The following ZFP62 variants were observed in gnomAD, a reference collection of about 807,000 sequenced individuals.
ZFP62 encodes ZFP62 zinc finger protein, also known as zinc finger protein 62 homolog.
A neutral mutation model predicts 56.4 loss-of-function variants in ZFP62; 44 were observed. That is an observed-to-expected ratio of 0.78 (90% confidence interval 0.61 to 1.00). The LOEUF (loss-of-function observed/expected upper bound fraction) is 1.00, where lower values mean the gene tolerates loss of function less well. ZFP62 is among the 50% of genes least tolerant of loss of function. The pLI, the probability that ZFP62 is intolerant of heterozygous loss-of-function variation, is 0.00. For synonymous variants in ZFP62, 421 were observed against 388.9 expected (o/e 1.08, Z -0.97); for missense variants, 1,030 against 1,085.7 (o/e 0.95, Z 0.72).
At position 180,849,705 on chromosome 5, in the gene ZFP62, G is replaced by T; in HGVS notation, c.1790C>A (p.Ala597Asp). The T allele has an allele frequency of 6.4e-7, 1 of 1,551,774 alleles. No individual in the cohort carries two copies. The highest frequency in any genetic ancestry group is 8.7e-7 in the Non-Finnish European group (1 of 1,147,074). ...TGTAAGGGTTCGGTATGTGATGAAG[G>T]CCTTCTCACACTCGTCACACTTAAA... ...KPFKCDECEK[A>D]FITYRTLTNH... is the part of the protein sequence containing the mutation. The change falls in exon 2 of 2, where the codon GCC becomes GAC. Residue 597 changes from alanine (A) to aspartate (D), a missense_variant. Physicochemically the swap from Ala to Asp is moderately radical, Grantham distance 126. Transcript: ENST00000502412.
the ZFP62 span, among the ~76,000 whole-genome samples, chr5:180,838,463 C>G: frequency 9.3e-4 from 141 of 152,276 alleles, 2 homozygotes; most frequent in Non-Finnish European, 1.6e-3. Flanking sequence ...AATCTTTGCT[C>G]TAAAGGACAT....
At chr5:180,852,872 A>G (rs945919360) in intron 1 of ZFP62, among the ~76,000 whole-genome samples, 3 of 152,250 alleles carry the variant, frequency 2.0e-5, no homozygotes, top group Admixed American at 6.5e-5. Context: ...AGAAAGATAA[A>G]TAAGAACTAC....
At chr5:180,845,430 T>C (rs1295564244), downstream of ZFP62, among the ~76,000 whole-genome samples, 7 of 150,250 alleles carry the variant, frequency 4.7e-5, no homozygotes, top group South Asian at 4.2e-4. Flanking sequence ...AAGTCCTTAT[T>C]TGAACTCAGG....
chr5:180,850,089 C>T lies in ZFP62; in HGVS notation c.1406G>A (p.Arg469Lys). Residue 469 changes from arginine to lysine, a missense_variant, in exon 2 of 2, where the codon AGG (arginine) becomes AAG (lysine). Arg to Lys is a conservative substitution (Grantham distance 26). Transcript: ENST00000502412. The stretch of plus-strand genomic sequence containing the variant: ...ATATGGTTTTTCCCCAGTATGGAGC[C>T]TCCTGTGGACTTTGAGGCCTGCATT... ...RNNAGLKVHR[R>K]LHTGEKPYKC... The T allele has an allele frequency of 6.4e-7, 1 of 1,551,850 alleles. No homozygotes were observed. The highest frequency in any genetic ancestry group is 8.7e-7 in the Non-Finnish European group (1 of 1,147,066).
At chr5:180,828,453 C>G in the ZFP62 span, among the ~76,000 whole-genome samples, 2 of 152,094 alleles carry the variant, frequency 1.3e-5, no homozygotes, top group Non-Finnish European at 2.9e-5. Flanking sequence ...TCAGGGACCC[C>G]GAATGGAAGG....
chr5:180,839,144 C>T, the ZFP62 span, among the ~76,000 whole-genome samples: 7 of 152,098 alleles, frequency 4.6e-5, no homozygotes, highest in Admixed American at 4.6e-4. Context: ...GCAAATGTGC[C>T]AATATCATGT....
chr5:180,852,362 C>A (rs762484235), intron 1 of ZFP62, among the ~76,000 whole-genome samples: 3 of 152,046 alleles, frequency 2.0e-5, no homozygotes, highest in Non-Finnish European at 4.4e-5. Context: ...TCGAGACCAT[C>A]CTGGCCAACA....
In ZFP62 at chr5:180,849,838, G is replaced by C. The variant is rs897936540; in HGVS notation, c.1657C>G (p.Arg553Gly). Residue 553 changes from arginine (R) to glycine (G), a missense_variant, in exon 2 of 2, where the codon CGA becomes GGA. Coordinates refer to ENST00000502412, the MANE Select transcript of ZFP62 (RefSeq NM_001172638.2). ...RNNSGLKVHK[R>G]IHTGERPYKC... ...TAAGGTCGTTCCCCAGTGTGGATTC[G>C]TTTATGTACTTTAAGGCCAGAATTA... 3 of 1,551,530 alleles carry C rather than the reference G, an allele frequency of 1.9e-6. No homozygotes were observed. The African/African-American group carries it at 4.1e-5, about 21-fold the overall frequency.
intron 1 of ZFP62, among the ~76,000 whole-genome samples, chr5:180,858,998 C>A (rs903638626): frequency 6.6e-6 from 1 of 152,204 alleles, no homozygotes; most frequent in Non-Finnish European, 1.5e-5. Context: ...CATGCTTTAT[C>A]GCCAAGGCCT....
At chr5:180,829,342 T>C in the ZFP62 span, among the ~76,000 whole-genome samples, 2 of 152,226 alleles carry the variant, frequency 1.3e-5, no homozygotes, top group African/African-American at 2.4e-5. Flanking sequence ...TGTTCTGCCT[T>C]TTGCCCTTTG....
chr5:180,843,055 A>AAT (rs1554135176), downstream of ZFP62, among the ~76,000 whole-genome samples: 5 of 146,078 alleles, frequency 3.4e-5, no homozygotes, highest in African/African-American at 5.0e-5. Flanking sequence ...AAAAAAAAAT[A>AAT]AATAAATAAA....
chr5:180,851,061 T>G lies in ZFP62; in HGVS notation c.434A>C (p.Glu145Ala). Residue 145 changes from glutamate (E) to alanine (A), a missense_variant, in exon 2 of 2, where the codon GAA becomes GCA. Physicochemically the swap from Glu to Ala is moderately radical, Grantham distance 107. Transcript: ENST00000502412. ...ATTATATTTGAAGGATTTCCCACAT[T>G]CATCACATTTATGTAATTTCTTAAC... ...NAVKKLHKCD[E>A]CGKSFKYNSR... 1 of 1,551,762 alleles carries G rather than the reference T, an allele frequency of 6.4e-7. No individual in the cohort carries two copies. Among genetic ancestry groups the G allele is most frequent in the South Asian group, 1.2e-5 (1 of 84,068 alleles).
downstream of ZFP62, among the ~76,000 whole-genome samples, chr5:180,844,975 TTAA>T (rs1412538540): frequency 6.6e-6 from 1 of 152,098 alleles, no homozygotes; most frequent in African/African-American, 2.4e-5. Flanking sequence ...CTTAACACTA[TTAA>T]TGTTTCCAAC....
In ZFP62 at chr5:180,848,708, T is replaced by C; in HGVS notation, c.*84A>G. 1 of 1,446,034 alleles carries C rather than the reference T, an allele frequency of 6.9e-7. No individual in the cohort carries two copies. The highest frequency in any genetic ancestry group is 1.5e-5 in the South Asian group (1 of 65,466). The allele number at this position is 1,446,034 out of a possible 1,614,324, so 89.6% of individuals were successfully genotyped here. On this transcript the variant is annotated 3_prime_UTR_variant, in exon 2 of 2. Transcript: ENST00000502412. ...GATGGTTTCATTTACACTGTGTAAA[T>C]TACAAGCCATGACCCCCTACATTCT... is the stretch of plus-strand genomic sequence containing the variant.
the ZFP62 span, among the ~76,000 whole-genome samples, chr5:180,832,111 A>T: frequency 2.0e-5 from 3 of 151,946 alleles, no homozygotes; most frequent in Non-Finnish European, 2.9e-5. Flanking sequence ...CAAAAAACAC[A>T]ACTCTTGCTG....
At chr5:180,859,037 C>T (rs1330485745) in intron 1 of ZFP62, among the ~76,000 whole-genome samples, 2 of 152,164 alleles carry the variant, frequency 1.3e-5, no homozygotes, top group Admixed American at 6.5e-5. Context: ...AGTTAAGAAC[C>T]GGCCCTACAT....
In ZFP62 at chr5:180,855,542, C is replaced by T. The variant is rs543951877; in HGVS notation, c.2-4049G>A. ...CTGGCTCCACATATTCCCCTGGGAG[C>T]CCTCATGGCTCCCAGCACTCCCACA... On this transcript the variant is annotated intron_variant, in intron 1 of 1. Coordinates refer to ENST00000502412, the MANE Select transcript of ZFP62 (RefSeq NM_001172638.2). Among the ~76,000 whole-genome samples the T allele has an allele frequency of 1.1e-4, 16 of 152,236 alleles. No homozygotes were observed. The South Asian group carries it at 1.7e-3, about 16-fold the overall frequency.
intron 1 of ZFP62, among the ~76,000 whole-genome samples, chr5:180,858,275 A>G (rs1198727711): frequency 2.4e-4 from 26 of 106,866 alleles, no homozygotes; most frequent in Non-Finnish European, 4.6e-4. Context: ...AAAAAAAAAA[A>G]AAAGAAAAAA....
Position 180,850,640 on chromosome 5 carries a change from G to T in ZFP62, c.855C>A (p.Ile285=), listed in dbSNP as rs1175669466. 4 of 1,578,912 alleles carry T rather than the reference G, an allele frequency of 2.5e-6. No homozygotes were observed. The African/African-American group carries it at 5.4e-5, about 21-fold the overall frequency. The part of the protein sequence containing the change: ...HTGEKPYECD[I]CGKTFSNSSG... ...AGCTGTTACTGAAGGTTTTCCCACA[G>T]ATGTCGCATTCATAGGGCTTCTCCC... The change falls in exon 2 of 2, where the codon ATC becomes ATA. Residue 285 remains isoleucine (I), a synonymous_variant. Coordinates refer to ENST00000502412, the MANE Select transcript of ZFP62 (RefSeq NM_001172638.2).
Sources: gnomAD v4.1 joint callset for allele counts (sites outside exome capture counted in the v4.1 genomes callset) on GRCh38, gnomAD v4.1.1 for gene constraint, MANE v1.5 for transcripts, NCBI Gene and HGNC (gene_info 2026-07-23, HGNC 2026-07-21) for gene names.